The following SNX18 variants were observed in gnomAD, a reference collection of about 807,000 sequenced individuals.
SNX18 encodes sorting nexin-18.
SNX18 carries 35 observed loss-of-function variants against 48.7 expected under a neutral mutation model. The ratio of observed to expected loss-of-function variants is 0.72; its 90% CI spans 0.55 to 0.95. The LOEUF (loss-of-function observed/expected upper bound fraction) is 0.95. SNX18 is among the 40% of genes least tolerant of loss of function. SNX18 has a pLI of 0.00. For synonymous variants in SNX18, 492 were observed against 384.7 expected (o/e 1.28, Z -3.26); for missense variants, 824 against 871.0 (o/e 0.95, Z 0.68).
the SNX18 span, among the ~76,000 whole-genome samples, chr5:54,598,394 A>G: frequency 1.3e-5 from 2 of 152,104 alleles, no homozygotes; most frequent in African/African-American, 4.8e-5. Flanking sequence ...CTATGAGGCC[A>G]GGCCTGATAC....
chr5:54,609,138 T>C, the SNX18 span, among the ~76,000 whole-genome samples: 3 of 152,212 alleles, frequency 2.0e-5, no homozygotes, highest in African/African-American at 7.2e-5. Context: ...ATGGAAATGT[T>C]CCATAACTAC....
At chr5:54,586,706 A>G in the SNX18 span, among the ~76,000 whole-genome samples, 1 of 152,210 alleles carries the variant, frequency 6.6e-6, no homozygotes, top group Non-Finnish European at 1.5e-5. Flanking sequence ...ACCTCTTAAT[A>G]CTATCACAAT....
chr5:54,552,705 G>A, the SNX18 span, among the ~76,000 whole-genome samples: 1 of 152,136 alleles, frequency 6.6e-6, no homozygotes, highest in Non-Finnish European at 1.5e-5. Flanking sequence ...TTGTGCTTCG[G>A]GCACTGTTGT....
At chr5:54,584,043 GCT>G in the SNX18 span, among the ~76,000 whole-genome samples, 1 of 141,250 alleles carries the variant, frequency 7.1e-6, no homozygotes, top group Admixed American at 7.5e-5. Context: ...CCAGTGTGTA[GCT>G]CTTTTTTTTT....
the SNX18 span, among the ~76,000 whole-genome samples, chr5:54,628,187 A>C: frequency 6.6e-6 from 1 of 152,182 alleles, no homozygotes; most frequent in Non-Finnish European, 1.5e-5. Context: ...TAGAACTGGG[A>C]TGTTATGCTT....
At chr5:54,589,543 C>A in the SNX18 span, among the ~76,000 whole-genome samples, 3 of 152,138 alleles carry the variant, frequency 2.0e-5, no homozygotes, top group Non-Finnish European at 4.4e-5. Context: ...AGGTATATTT[C>A]AAAATGAAGA....
the SNX18 span, among the ~76,000 whole-genome samples, chr5:54,598,412 C>T: frequency 7.2e-5 from 11 of 152,000 alleles, no homozygotes; most frequent in South Asian, 4.1e-4. Context: ...TACCAAAAAC[C>T]GACAGAGATA....
At chr5:54,561,164 T>C in the SNX18 span, among the ~76,000 whole-genome samples, 1 of 152,150 alleles carries the variant, frequency 6.6e-6, no homozygotes, top group Admixed American at 6.6e-5. Flanking sequence ...TGCCTCAGCC[T>C]CCCAAGTAGC....
the SNX18 span, among the ~76,000 whole-genome samples, chr5:54,564,290 A>G: frequency 6.6e-6 from 1 of 151,162 alleles, no homozygotes; most frequent in South Asian, 2.1e-4. Flanking sequence ...AAATAAATAA[A>G]TAACAAAATA....
intron 1 of SNX18, among the ~76,000 whole-genome samples, chr5:54,541,967 C>T (rs1254640428): frequency 6.6e-6 from 1 of 152,284 alleles, no homozygotes; most frequent in South Asian, 2.1e-4. Flanking sequence ...TCTGTACCTC[C>T]TCCTACTCAA....
chr5:54,532,733 T>C (rs1762271850), intron 1 of SNX18, among the ~76,000 whole-genome samples: 2 of 152,220 alleles, frequency 1.3e-5, no homozygotes, highest in African/African-American at 4.8e-5. Flanking sequence ...ATATTCATTA[T>C]GGGCTGGAAC....
chr5:54,600,736 CA>C, the SNX18 span, among the ~76,000 whole-genome samples: 14 of 152,184 alleles, frequency 9.2e-5, no homozygotes, highest in East Asian at 2.1e-3. Context: ...AACAGAAAAC[CA>C]AAGGCCACAT....
chr5:54,533,490 C>T lies in SNX18; in HGVS notation c.1622-9689C>T, dbSNP rs139150357. Among the ~76,000 whole-genome samples the T allele has an allele frequency of 1.5e-3, 232 of 152,232 alleles. 2 individuals carry two copies. The highest frequency in any genetic ancestry group is 2.1e-4 in the Non-Finnish European group (14 of 68,020). On this transcript the variant is annotated intron_variant, in intron 1 of 1. Coordinates refer to ENST00000381410, the MANE Select transcript of SNX18 (RefSeq NM_001102575.2). ...GGTGTAGTGTGCTGTGCTTTGAGGC[C>T]GATCTATGGGGCTTTGCGATCGCCA...
chr5:54,562,933 T>C, the SNX18 span, among the ~76,000 whole-genome samples: 4 of 152,220 alleles, frequency 2.6e-5, no homozygotes, highest in Admixed American at 6.5e-5. Flanking sequence ...TGACCCTGTG[T>C]AGGCCAGGCT....
At chr5:54,550,106 T>C (rs1762628570), downstream of SNX18, among the ~76,000 whole-genome samples, 1 of 152,252 alleles carries the variant, frequency 6.6e-6, no homozygotes, top group African/African-American at 2.4e-5. Flanking sequence ...TTTTAGTCAC[T>C]TTTTAAAAAA....
chr5:54,577,002 T>G, the SNX18 span, among the ~76,000 whole-genome samples: 51 of 152,250 alleles, frequency 3.3e-4, no homozygotes, highest in African/African-American at 1.1e-3. Flanking sequence ...GGTTTCACCA[T>G]GTTGGCCAGG....
the SNX18 span, among the ~76,000 whole-genome samples, chr5:54,595,606 A>G: frequency 1.3e-5 from 2 of 152,220 alleles, no homozygotes; most frequent in African/African-American, 4.8e-5. Flanking sequence ...TCCCACTGAC[A>G]GTGTATAACA....
Position 54,518,702 on chromosome 5 carries a change from C to G in SNX18, c.750C>G (p.Gly250=). The G allele has an allele frequency of 1.9e-6, 3 of 1,584,466 alleles. No homozygotes were observed. In the South Asian group the frequency reaches 3.4e-5, roughly 18 times the overall value. The part of the protein sequence containing the change: ...GEAFVLGEAS[G]FVKDGDKLCV... ...CCTTCGTGCTGGGGGAGGCGTCAGG[C>G]TTCGTGAAGGACGGGGACAAGCTGT... The change falls in exon 1 of 2, where the codon GGC becomes GGG. Residue 250 remains glycine, a synonymous_variant. Coordinates refer to ENST00000381410, the MANE Select transcript of SNX18 (RefSeq NM_001102575.2).
chr5:54,596,584 A>G, the SNX18 span, among the ~76,000 whole-genome samples: 2 of 152,334 alleles, frequency 1.3e-5, no homozygotes, highest in South Asian at 4.1e-4. Flanking sequence ...GTACCATAGC[A>G]GCAGAGGCCA....
Sources: gnomAD v4.1 joint callset for allele counts (sites outside exome capture counted in the v4.1 genomes callset) on GRCh38, gnomAD v4.1.1 for gene constraint, MANE v1.5 for transcripts, NCBI Gene and HGNC (gene_info 2026-07-23, HGNC 2026-07-21) for gene names.